Variants in KIRREL3 observed in about 807,000 individuals in gnomAD.
The protein encoded by KIRREL3 is kirre like nephrin family adhesion molecule 3, also known as kin of IRRE-like protein 3.
KIRREL3 carries 36 observed loss-of-function variants against 89.7 expected under a neutral mutation model. The observed-to-expected ratio is 0.40, with a 90% confidence interval of 0.31 to 0.53. The LOEUF is 0.53. KIRREL3 is among the 20% of genes least tolerant of loss of function. The probability of loss-of-function intolerance (pLI) is 0.49; values close to 1 mark genes in which losing one functional copy is unlikely to be tolerated. For missense variants in KIRREL3, 864 were observed against 1,056.6 expected, an observed-to-expected ratio of 0.82 and a Z score of 2.53; for synonymous variants, 445 against 441.4, an observed-to-expected ratio of 1.01 and a Z score of -0.10.
At position 126,605,391 on chromosome 11, in the gene KIRREL3, T is replaced by C. The variant is rs1359604377; in HGVS notation, c.56-42479A>G. On this transcript the variant is annotated intron_variant, in intron 1 of 16. Coordinates refer to ENST00000525144, the MANE Select transcript of KIRREL3 (RefSeq NM_032531.4). This position sits in a 1 kb window ranked among gnomAD's most constrained non-coding sequence, Gnocchi z 5.7. ...CATGGTCTCCAGGTCTCAGGCCACT[T>C]GGGTCTGGGATTTGAGGCTCAGGGG... Among the ~76,000 whole-genome samples the C allele has an allele frequency of 6.6e-6, 1 of 152,072 alleles. No individual in the cohort carries two copies. The highest frequency in any genetic ancestry group is 2.4e-5 in the African/African-American group (1 of 41,412).
intron 1 of KIRREL3, among the ~76,000 whole-genome samples, chr11:126,886,243 C>T (rs1945691118): frequency 6.6e-6 from 1 of 152,188 alleles, no homozygotes; most frequent in Non-Finnish European, 1.5e-5. Flanking sequence ...TGTACAAATC[C>T]TAAGTATAGC....
chr11:126,554,536 T>C (rs1350725509), intron 2 of KIRREL3, among the ~76,000 whole-genome samples: 1 of 152,156 alleles, frequency 6.6e-6, no homozygotes, highest in Non-Finnish European at 1.5e-5. Context: ...TAAAAGTCTA[T>C]GATTGTCAAA....
At chr11:126,840,465 A>C (rs1943926802) in intron 1 of KIRREL3, among the ~76,000 whole-genome samples, 1 of 152,186 alleles carries the variant, frequency 6.6e-6, no homozygotes, top group Admixed American at 6.5e-5. Context: ...TTAGAAAATA[A>C]TCAACAGGGA....
chr11:126,424,622 G>C lies in KIRREL3; in HGVS notation c.2295C>G (p.Asp765Glu). The change falls in exon 17 of 17, where the codon GAC (aspartate) becomes GAG (glutamate). Residue 765 changes from aspartate to glutamate, a missense_variant. Asp to Glu is a conservative substitution (Grantham distance 45). Coordinates refer to ENST00000525144, the MANE Select transcript of KIRREL3 (RefSeq NM_032531.4). ...TCCGCCGCTGCAGGGGTCGACTGGG[G>C]TCAGAGTTCTGGGACGAGGACTGGG... ...HHSQSSSQNSDPSRPLQRRMQ... is the reference protein window; with the variant it reads ...HHSQSSSQNSEPSRPLQRRMQ... 3.1e-6 allele frequency: 5 copies of C among 1,614,068 alleles called. No homozygotes were observed. The highest frequency in any genetic ancestry group is 3.4e-6 in the Non-Finnish European group (4 of 1,179,904).
chr11:126,601,971 G>A lies in KIRREL3; in HGVS notation c.56-39059C>T, dbSNP rs1942677152. On this transcript the variant is annotated intron_variant, in intron 1 of 16. Transcript: ENST00000525144. The surrounding 1 kb of genome is among the most constrained non-coding windows in gnomAD (Gnocchi z 5.8). ...CTGAGGCCGCCTCTTTGATTTGCCT[G>A]ACAGAGTCACAGAAGCTGACCGCTG... Among the ~76,000 whole-genome samples the A allele has an allele frequency of 6.6e-6, 1 of 152,188 alleles. No homozygotes were observed. Among genetic ancestry groups the A allele is most frequent in the African/African-American group, 2.4e-5 (1 of 41,440 alleles).
At chr11:126,813,865 T>A (rs1049213753) in intron 1 of KIRREL3, among the ~76,000 whole-genome samples, 1 of 151,692 alleles carries the variant, frequency 6.6e-6, no homozygotes, top group African/African-American at 2.4e-5. Context: ...AAGGGTTTCA[T>A]GATGAAAACG....
In KIRREL3 at chr11:126,527,807, C is replaced by G. The variant is rs143541521; in HGVS notation, c.134-1120G>C. Among the ~76,000 whole-genome samples, 437 of 152,242 alleles carry G rather than the reference C, an allele frequency of 2.9e-3. 3 individuals carry two copies. The highest frequency in any genetic ancestry group is 9.6e-3 in the African/African-American group (397 of 41,536). On this transcript the variant is annotated intron_variant, in intron 2 of 16. Transcript: ENST00000525144. This position sits in a 1 kb window ranked among gnomAD's most constrained non-coding sequence, Gnocchi z 4.2. ...TCTTTCTGGCTCTGAAGACCATGCT[C>G]TCCCCTACTGAGCTATGCTGTGTGC...
intron 1 of KIRREL3, among the ~76,000 whole-genome samples, chr11:126,859,091 T>C (rs1488019586): frequency 6.6e-6 from 1 of 152,170 alleles, no homozygotes; most frequent in Non-Finnish European, 1.5e-5. Flanking sequence ...AAGATAACTG[T>C]TGACCTTTGC....
chr11:126,632,537 T>G (rs911926541), intron 1 of KIRREL3, among the ~76,000 whole-genome samples: 1 of 152,250 alleles, frequency 6.6e-6, no homozygotes, highest in Admixed American at 6.5e-5. Context: ...GTGAATAATG[T>G]AACTTTATTA....
rs139756614 is a variant in KIRREL3 at position 126,587,245 on chromosome 11, C to T, written c.56-24333G>A. On this transcript the variant is annotated intron_variant, in intron 1 of 16. Transcript: ENST00000525144. The surrounding 1 kb of genome is among the most constrained non-coding windows in gnomAD (Gnocchi z 5.2). ...CAAATAGGGGACAGGGAGATGAAGA[C>T]GGGGGCTGCAGAGCGTTCCAGGCTG... Among the ~76,000 whole-genome samples, 7 of 152,196 alleles carry T rather than the reference C, an allele frequency of 4.6e-5. No homozygotes were observed. Among genetic ancestry groups the T allele is most frequent in the Admixed American group, 1.3e-4 (2 of 15,294 alleles).
rs1592078296 is a variant in KIRREL3 at position 126,755,302 on chromosome 11, C to T, written c.56-192390G>A. Among the ~76,000 whole-genome samples the T allele has an allele frequency of 6.6e-6, 1 of 152,262 alleles. No homozygotes were observed. Among genetic ancestry groups the T allele is most frequent in the South Asian group, 2.1e-4 (1 of 4,824 alleles). On this transcript the variant is annotated intron_variant, in intron 1 of 16. Transcript: ENST00000525144. The surrounding 1 kb of genome is among the most constrained non-coding windows in gnomAD (Gnocchi z 4.3). ...GACAGTTCCCTCTTGATCCCTTGCACCAGGCTGGGTGGAGAAGTTCATTAT... is the reference window on the plus strand; with the variant it reads ...GACAGTTCCCTCTTGATCCCTTGCATCAGGCTGGGTGGAGAAGTTCATTAT...
chr11:126,863,694 T>C (rs968198763), intron 1 of KIRREL3, among the ~76,000 whole-genome samples: 4 of 152,142 alleles, frequency 2.6e-5, no homozygotes, highest in African/African-American at 9.7e-5. Flanking sequence ...CGCCTGTGTG[T>C]AGCAGTGTAG....
chr11:126,632,289 G>A (rs903203879), intron 1 of KIRREL3, among the ~76,000 whole-genome samples: 4 of 152,174 alleles, frequency 2.6e-5, no homozygotes, highest in African/African-American at 9.7e-5. Context: ...AGAAAGAATT[G>A]CCCTTGTGGG....
upstream of KIRREL3, among the ~76,000 whole-genome samples, chr11:127,001,919 G>A (rs1366607349): frequency 1.3e-5 from 2 of 151,980 alleles, no homozygotes; most frequent in Non-Finnish European, 2.9e-5. Flanking sequence ...AGAGAGGAGA[G>A]GAAAATGAAA....
At chr11:126,511,406 C>G (rs1958216265) in intron 4 of KIRREL3, among the ~76,000 whole-genome samples, 1 of 152,144 alleles carries the variant, frequency 6.6e-6, no homozygotes. Flanking sequence ...CCCCAAACAC[C>G]TCTCTCCACT....
rs547739447 is a variant in KIRREL3 at position 126,771,452 on chromosome 11, C to T, written c.56-208540G>A. Reference sequence around the variant, plus strand: ...GGTATTTAAAGCTGTTATTAATTATCCATTTATCTGATAATTTCTTTGCAT... The same window carrying T: ...GGTATTTAAAGCTGTTATTAATTATTCATTTATCTGATAATTTCTTTGCAT... On this transcript the variant is annotated intron_variant, in intron 1 of 16. Transcript: ENST00000525144. The surrounding 1 kb of genome is among the most constrained non-coding windows in gnomAD (Gnocchi z 4.4). Among the ~76,000 whole-genome samples the T allele has an allele frequency of 3.9e-5, 6 of 152,186 alleles. No individual in the cohort carries two copies. Among genetic ancestry groups the T allele is most frequent in the Non-Finnish European group, 8.8e-5 (6 of 68,036 alleles).
chr11:126,771,601 C>T lies in KIRREL3; in HGVS notation c.56-208689G>A, dbSNP rs1204915105. Reference sequence around the variant, plus strand: ...ATAGTTTTACCAGGGCAGGGAGACACTGTCTTTCACATTCAGTGCTGTATT... The same window carrying T: ...ATAGTTTTACCAGGGCAGGGAGACATTGTCTTTCACATTCAGTGCTGTATT... On this transcript the variant is annotated intron_variant, in intron 1 of 16. Transcript: ENST00000525144. This position sits in a 1 kb window ranked among gnomAD's most constrained non-coding sequence, Gnocchi z 4.4. Among the ~76,000 whole-genome samples the T allele has an allele frequency of 6.6e-6, 1 of 152,214 alleles. No homozygotes were observed. The highest frequency in any genetic ancestry group is 2.4e-5 in the African/African-American group (1 of 41,452).
In KIRREL3 at chr11:126,424,406, G is replaced by A; in HGVS notation, c.*174C>T. On this transcript the variant is annotated 3_prime_UTR_variant, in exon 17 of 17. Coordinates refer to ENST00000525144, the MANE Select transcript of KIRREL3 (RefSeq NM_032531.4). ...CCACCTCTGGCACACAGCACCTGGGGACCCAGATTTGTGCTTGATCAGAGC... is the reference window on the plus strand; with the variant it reads ...CCACCTCTGGCACACAGCACCTGGGAACCCAGATTTGTGCTTGATCAGAGC... The A allele has an allele frequency of 3.3e-6, 2 of 605,982 alleles. No homozygotes were observed. The highest frequency in any genetic ancestry group is 2.0e-5 in the South Asian group (1 of 51,204). 37.5% of individuals were successfully genotyped at this position (605,982 alleles called of 1,614,324 possible).
At position 126,521,332 on chromosome 11, in the gene KIRREL3, G is replaced by A; in HGVS notation, c.416C>T (p.Ala139Val). 6.5e-7 allele frequency: 1 copy of A among 1,549,902 alleles called. No homozygotes were observed. Among genetic ancestry groups the A allele is most frequent in the Non-Finnish European group, 8.7e-7 (1 of 1,145,842 alleles). Residue 139 changes from alanine to valine, a missense_variant, in exon 4 of 17, where the codon GCA becomes GTA. By Grantham distance (64) the Ala-to-Val change is moderately conservative. Transcript: ENST00000525144. This position sits in a 1 kb window ranked among gnomAD's most constrained non-coding sequence, Gnocchi z 4.1. ...AIQAAIRSRP[A>V]RLTVLVPPDD... ...GTTCTTACCCAGGACTGTGAGGCGTGCGGGGCGGGAGCGGATGGCGGCCTG... is the reference window on the plus strand; with the variant it reads ...GTTCTTACCCAGGACTGTGAGGCGTACGGGGCGGGAGCGGATGGCGGCCTG...
Sources: allele counts gnomAD v4.1 joint callset (sites outside exome capture counted in the v4.1 genomes callset), GRCh38; gene constraint gnomAD v4.1.1; non-coding constraint Gnocchi (gnomAD v3.1); transcripts MANE v1.5; gene names NCBI Gene and HGNC (gene_info 2026-07-23, HGNC 2026-07-21).